Variants in TNRC18 observed in about 807,000 individuals in gnomAD.
TNRC18 encodes the protein trinucleotide repeat containing 18.
In TNRC18, 69 loss-of-function variants were observed where a neutral mutation model predicts 226.7. The observed-to-expected ratio is 0.30, with a 90% CI of 0.25 to 0.37. The LOEUF (loss-of-function observed/expected upper bound fraction) is 0.37. Among genes scored for constraint, TNRC18 ranks in the 10% least tolerant of loss-of-function variants. The pLI, the probability that TNRC18 is intolerant of heterozygous loss-of-function variation, is 1.00. For missense variants in TNRC18, 4,754 were observed against 4,256.6 expected (o/e 1.12, Z -3.25); for synonymous variants, 2,449 against 1,927.6 (o/e 1.27, Z -7.09).
chr7:5,356,807 A>G, intron 16 of TNRC18, 109 bp downstream of exon 16: 1 of 1,372,802 alleles, frequency 7.3e-7, no homozygotes, highest in Non-Finnish European at 9.5e-7. Flanking sequence ...AGAGAGAGCG[A>G]GAGCGAGAGA....
chr7:5,370,985 G>T lies in TNRC18; in HGVS notation c.3609C>A (p.Ala1203=). ...TCTGCCCGGTGGCACTCAGCGCCTG[G>T]GCCTCCAACAGGCCACCTCCACAAC... is the stretch of plus-strand genomic sequence containing the variant. ...AGGCGGGLLE[A]QALSATGQSC... Residue 1203 remains alanine (A), a synonymous_variant, in exon 11 of 30, where the codon GCC becomes GCA. Transcript: ENST00000430969. The T allele has an allele frequency of 6.2e-7, 1 of 1,606,398 alleles. No individual in the cohort carries two copies. The highest frequency in any genetic ancestry group is 8.5e-7 in the Non-Finnish European group (1 of 1,179,738).
chr7:5,387,732 C>T lies in TNRC18; in HGVS notation c.2092G>A (p.Gly698Ser), dbSNP rs1262729198. 6.2e-7 allele frequency: 1 copy of T among 1,606,232 alleles called. No individual in the cohort carries two copies. ...TCTACCAGCCCAGGCCCCAGCCGGC[C>T]ACTGCCGCCACTGTCCTTCTGCCGG... is the stretch of plus-strand genomic sequence containing the variant. ...VARQKDSGGSGRLGPGLVDQE... is the reference protein window; with the variant it reads ...VARQKDSGGSSRLGPGLVDQE... Residue 698 changes from glycine to serine, a missense_variant, in exon 5 of 30, where the codon GGC becomes AGC. Transcript: ENST00000430969.
intron 17 of TNRC18, among the ~76,000 whole-genome samples, chr7:5,349,338 G>T (rs1791539863): frequency 6.6e-6 from 1 of 152,218 alleles, no homozygotes; most frequent in Non-Finnish European, 1.5e-5. Context: ...CTGAGGCAAT[G>T]CAGCTTGCCG....
chr7:5,314,790 C>T (rs1325648924), intron 26 of TNRC18, among the ~76,000 whole-genome samples, 194 bp downstream of exon 26: 1 of 152,068 alleles, frequency 6.6e-6, no homozygotes, highest in African/African-American at 2.4e-5. Flanking sequence ...CCAGACTGGT[C>T]TTGAACTCCT....
intron 5 of TNRC18, among the ~76,000 whole-genome samples, chr7:5,380,762 G>T (rs749768295): frequency 5.9e-5 from 9 of 152,206 alleles, no homozygotes; most frequent in African/African-American, 1.9e-4. Flanking sequence ...CAGGTCTCAG[G>T]CAGGACTGGG....
intron 22 of TNRC18, 95 bp downstream of exon 22, chr7:5,320,978 G>T: frequency 1.1e-6 from 1 of 911,982 alleles, no homozygotes. Context: ...GGAAACCACA[G>T]CCCAGAAAGG....
At chr7:5,308,768 A>G (rs1047101920) in intron 29 of TNRC18, 107 bp downstream of exon 29, 2 of 1,254,866 alleles carry the variant, frequency 1.6e-6, no homozygotes, top group African/African-American at 3.0e-5. Context: ...AGGCTGAGGG[A>G]GACCATGGGG....
chr7:5,316,788 G>A (rs567636458), intron 24 of TNRC18, among the ~76,000 whole-genome samples: 1 of 152,156 alleles, frequency 6.6e-6, no homozygotes, highest in African/African-American at 2.4e-5. Context: ...TGCAGGAACG[G>A]GCTTTGATCT....
intron 18 of TNRC18, among the ~76,000 whole-genome samples, chr7:5,340,716 C>T (rs144321639): frequency 4.7e-5 from 7 of 150,506 alleles, no homozygotes; most frequent in Non-Finnish European, 1.0e-4. Context: ...ACATTCCAGC[C>T]TGGGCAACAG....
In TNRC18 at chr7:5,418,386, A is replaced by T. The variant is rs76405878; in HGVS notation, c.187+2674T>A. On this transcript the variant is annotated intron_variant, in intron 2 of 29. Coordinates refer to ENST00000430969, the MANE Select transcript of TNRC18 (RefSeq NM_001080495.3). ...GGCCAAACCCCTCCATCTTGACCCA[A>T]AAGGCAGAAACCAGCTCTTCCAGAG... 3.5e-3 allele frequency among the ~76,000 whole-genome samples: 532 copies of T among 152,320 alleles called. 8 individuals are homozygous for T. The highest frequency in any genetic ancestry group is 0.012 in the African/African-American group (495 of 41,576).
At chr7:5,359,287 T>C in intron 15 of TNRC18, 111 bp downstream of exon 15, 1 of 1,134,452 alleles carries the variant, frequency 8.8e-7, no homozygotes, top group Non-Finnish European at 1.3e-6. Flanking sequence ...CAACCACTTC[T>C]AAGGTTTCTG....
rs933213226 is a variant in TNRC18 at position 5,394,318 on chromosome 7, C to T, written c.343+122G>A. The T allele has an allele frequency of 1.1e-6, 1 of 918,042 alleles. No individual in the cohort carries two copies. 56.9% of individuals were successfully genotyped at this position (918,042 alleles called of 1,614,324 possible). A position where few individuals can be genotyped will look rare whatever the true frequency, so the allele number is the denominator to read the frequency against. ...AGCGTTTGAGAAACAACAGGGAAGC[C>T]AGGTGACCTGGGACCCACCAGCCCC... On this transcript the variant is annotated intron_variant, in intron 3 of 29. Coordinates refer to ENST00000430969, the MANE Select transcript of TNRC18 (RefSeq NM_001080495.3). This position sits in a 1 kb window ranked among gnomAD's most constrained non-coding sequence, Gnocchi z 4.5.
chr7:5,377,327 C>CCCCCCCCCCA lies in TNRC18; in HGVS notation c.2461+43_2461+44insTGGGGGGGGG. On this transcript the variant is annotated intron_variant, in intron 7 of 29. Coordinates refer to ENST00000430969, the MANE Select transcript of TNRC18 (RefSeq NM_001080495.3). This position sits in a 1 kb window ranked among gnomAD's most constrained non-coding sequence, Gnocchi z 5.8. Reference sequence around the variant, plus strand: ...CTTGTCCTGCACCCGCCCCCTCCCACCCCTCCCTCAGAGAAGGGGAGAGAC... The same window carrying CCCCCCCCCCA: ...CTTGTCCTGCACCCGCCCCCTCCCACCCCCCCCCCACCCTCCCTCAGAGAAGGGGAGAGAC... 1 of 1,160,804 alleles carries CCCCCCCCCCA rather than the reference C, an allele frequency of 8.6e-7. No homozygotes were observed. The highest frequency in any genetic ancestry group is 1.2e-6 in the Non-Finnish European group (1 of 822,612). 71.9% of individuals were successfully genotyped at this position (1,160,804 alleles called of 1,614,324 possible).
At chr7:5,378,862 G>A (rs991831244) in intron 5 of TNRC18, among the ~76,000 whole-genome samples, 4 of 151,662 alleles carry the variant, frequency 2.6e-5, no homozygotes, top group Admixed American at 6.6e-5. Context: ...TCCCAACCAC[G>A]CAGGCCTGTG....
At chr7:5,327,707 T>G (rs1789078227) in intron 19 of TNRC18, among the ~76,000 whole-genome samples, 2 of 152,146 alleles carry the variant, frequency 1.3e-5, no homozygotes, top group South Asian at 4.1e-4. Context: ...CCCTTTGATC[T>G]GAAAACCCAC....
In TNRC18 at chr7:5,320,847, C is replaced by A. The variant is rs545970616; in HGVS notation, c.6560+226G>T. Among the ~76,000 whole-genome samples, 10 of 152,376 alleles carry A rather than the reference C, an allele frequency of 6.6e-5. No homozygotes were observed. In the East Asian group the frequency reaches 1.5e-3, roughly 23 times the overall value. On this transcript the variant is annotated intron_variant, in intron 22 of 29. Transcript: ENST00000430969. ...GAGAGGCCAGCACGCTCTCTCACCC[C>A]TTCCCGCTGCGGAGCAGCCGCGCCC...
chr7:5,370,515 G>C lies in TNRC18; in HGVS notation c.4079C>G (p.Pro1360Arg), dbSNP rs748041580. 8.8e-6 allele frequency: 14 copies of C among 1,598,976 alleles called. No individual in the cohort carries two copies. ...ELPQARPLPSPGAAGAQALEK... is the reference protein window; with the variant it reads ...ELPQARPLPSRGAAGAQALEK... Reference sequence around the variant, plus strand: ...CAAGGCCTGGGCTCCAGCAGCACCCGGGGAGGGCAGAGGCCTGGCCTGGGG... The same window carrying C: ...CAAGGCCTGGGCTCCAGCAGCACCCCGGGAGGGCAGAGGCCTGGCCTGGGG... The change falls in exon 11 of 30, where the codon CCG becomes CGG. Residue 1360 changes from proline to arginine, a missense_variant. Transcript: ENST00000430969.
chr7:5,336,750 C>T (rs923955268), intron 18 of TNRC18, among the ~76,000 whole-genome samples: 1 of 151,882 alleles, frequency 6.6e-6, no homozygotes, highest in African/African-American at 2.4e-5. Flanking sequence ...TCAAACAACA[C>T]AAAGAAATTA....
rs773856762 is a variant in TNRC18, at chr7:5,409,772, C to A, written c.187+11288G>T. On this transcript the variant is annotated intron_variant, in intron 2 of 29. Transcript: ENST00000430969. Reference sequence around the variant, plus strand: ...CGGGTGGATCACGAGGTCAGGAGATCGAGACCATCGTGGCTAACATGGTGA... The same window carrying A: ...CGGGTGGATCACGAGGTCAGGAGATAGAGACCATCGTGGCTAACATGGTGA... Among the ~76,000 whole-genome samples, 6 of 142,424 alleles carry A rather than the reference C, an allele frequency of 4.2e-5. No individual in the cohort carries two copies. The East Asian group carries it at 1.0e-3, about 25-fold the overall frequency. The allele number at this position is 142,424 out of a possible 152,430, so 93.4% of individuals were successfully genotyped here. A position where few individuals can be genotyped will look rare whatever the true frequency, so the allele number is the denominator to read the frequency against.
Sources: gnomAD v4.1 joint callset for allele counts (sites outside exome capture counted in the v4.1 genomes callset) on GRCh38, gnomAD v4.1.1 for gene constraint, Gnocchi (gnomAD v3.1) non-coding constraint, MANE v1.5 for transcripts, NCBI Gene and HGNC (gene_info 2026-07-23, HGNC 2026-07-21) for gene names.